Variants in PLPPR1 observed in about 807,000 individuals in gnomAD.
The protein encoded by PLPPR1 is phospholipid phosphatase related 1.
PLPPR1 carries 10 observed loss-of-function variants against 33.1 expected under a neutral mutation model. The observed-to-expected ratio is 0.30, with a 90% confidence interval of 0.19 to 0.51. PLPPR1 has a LOEUF of 0.51. Ranked by LOEUF, PLPPR1 falls within the 20% of genes least tolerant of loss-of-function variation. The pLI is 0.97. For synonymous variants in PLPPR1, 151 were observed against 151.0 expected (o/e 1.00, Z 0.00); for missense variants, 304 against 408.1 (o/e 0.74, Z 2.20).
At chr9:101,153,427 A>T (rs972863230) in intron 1 of PLPPR1, among the ~76,000 whole-genome samples, 2 of 152,074 alleles carry the variant, frequency 1.3e-5, no homozygotes, top group African/African-American at 4.8e-5. Context: ...TTCCAACACT[A>T]TGTTGAATAG....
chr9:101,080,977 G>T (rs1588019982), intron 1 of PLPPR1, among the ~76,000 whole-genome samples: 1 of 152,240 alleles, frequency 6.6e-6, no homozygotes, highest in East Asian at 1.9e-4. Flanking sequence ...CCGGAGCCTA[G>T]TGGGAGTTCT....
At chr9:101,323,710 A>C (rs554659246) in intron 7 of PLPPR1, among the ~76,000 whole-genome samples, 1 of 152,094 alleles carries the variant, frequency 6.6e-6, no homozygotes, top group South Asian at 2.1e-4. Context: ...ATGGTGGTGC[A>C]TGCCTGTAAT....
intron 6 of PLPPR1, among the ~76,000 whole-genome samples, chr9:101,316,302 T>C (rs142581540): frequency 0.036 from 5,472 of 151,938 alleles, 339 homozygotes; most frequent in African/African-American, 0.12. Flanking sequence ...CCAGGCGTGC[T>C]GGTGGGTGCC....
chr9:101,202,246 A>G (rs1407097706), intron 2 of PLPPR1, among the ~76,000 whole-genome samples: 1 of 152,228 alleles, frequency 6.6e-6, no homozygotes, highest in Non-Finnish European at 1.5e-5. Context: ...GTGACTGCTT[A>G]GCGTATTTGA....
At chr9:101,139,312 A>G (rs1831417494) in intron 1 of PLPPR1, among the ~76,000 whole-genome samples, 1 of 152,124 alleles carries the variant, frequency 6.6e-6, no homozygotes, top group Non-Finnish European at 1.5e-5. Context: ...GAGACCTGTG[A>G]GAGTGTGCAT....
chr9:101,115,472 C>G (rs1474814825), intron 1 of PLPPR1, among the ~76,000 whole-genome samples: 1 of 152,146 alleles, frequency 6.6e-6, no homozygotes, highest in Non-Finnish European at 1.5e-5. Context: ...TGGGATTTTA[C>G]TTTTAAAAGT....
chr9:101,055,619 T>C (rs568541649), intron 1 of PLPPR1, among the ~76,000 whole-genome samples: 2 of 152,364 alleles, frequency 1.3e-5, no homozygotes, highest in East Asian at 3.9e-4. Flanking sequence ...TATTCTGCTT[T>C]AGATCATATA....
chr9:101,150,592 G>A (rs1831569765), intron 1 of PLPPR1, among the ~76,000 whole-genome samples: 1 of 152,064 alleles, frequency 6.6e-6, no homozygotes, highest in Admixed American at 6.6e-5. Context: ...TTCAATTTTT[G>A]TCACTCAAAA....
intron 4 of PLPPR1, among the ~76,000 whole-genome samples, chr9:101,292,019 A>G (rs951761405): frequency 3.9e-5 from 6 of 152,156 alleles, no homozygotes; most frequent in African/African-American, 1.4e-4. Flanking sequence ...TTCAAATCAA[A>G]GGCAAAGAAG....
At chr9:101,050,124 G>GAA (rs35688096) in intron 1 of PLPPR1, among the ~76,000 whole-genome samples, 834 of 32,322 alleles carry the variant, frequency 0.026, 9 homozygotes, top group Non-Finnish European at 0.032. Context: ...CTCCAACTCA[G>GAA]AAAAAAAAAA....
At chr9:101,064,917 T>C (rs1396399220) in intron 1 of PLPPR1, among the ~76,000 whole-genome samples, 1 of 151,990 alleles carries the variant, frequency 6.6e-6, no homozygotes. Context: ...CTCATGATAA[T>C]TGATTAATCA....
intron 3 of PLPPR1, among the ~76,000 whole-genome samples, chr9:101,271,396 T>G (rs1229326786): frequency 2.6e-5 from 4 of 152,202 alleles, no homozygotes; most frequent in African/African-American, 9.6e-5. Context: ...GAACTGCTCT[T>G]TGCCCTCTTT....
At chr9:101,115,656 T>A (rs117013988) in intron 1 of PLPPR1, among the ~76,000 whole-genome samples, 1 of 152,360 alleles carries the variant, frequency 6.6e-6, no homozygotes, top group East Asian at 1.9e-4. Context: ...AATGAGCATA[T>A]ATACCATATG....
chr9:101,160,411 C>T (rs1188040714), intron 1 of PLPPR1, among the ~76,000 whole-genome samples: 1 of 152,214 alleles, frequency 6.6e-6, no homozygotes, highest in South Asian at 2.1e-4. Flanking sequence ...CCATTTGTGC[C>T]TTTTGCTTTC....
intron 2 of PLPPR1, among the ~76,000 whole-genome samples, chr9:101,265,666 T>C (rs192551840): frequency 6.6e-6 from 1 of 152,330 alleles, no homozygotes; most frequent in East Asian, 1.9e-4. Flanking sequence ...GTGTTGTTTC[T>C]GTTCCTGCAG....
intron 2 of PLPPR1, among the ~76,000 whole-genome samples, chr9:101,252,500 T>G (rs536067672): frequency 7.6e-4 from 116 of 152,252 alleles, no homozygotes; most frequent in African/African-American, 2.7e-3. Flanking sequence ...ATTATCTTAG[T>G]GGCAACCTAT....
intron 2 of PLPPR1, among the ~76,000 whole-genome samples, chr9:101,224,301 A>T (rs2567317): frequency 6.6e-6 from 1 of 152,138 alleles, no homozygotes. Flanking sequence ...GGATGCCAGG[A>T]TCATATCCAA....
At chr9:101,147,189 T>A (rs190845626) in intron 1 of PLPPR1, among the ~76,000 whole-genome samples, 1 of 152,190 alleles carries the variant, frequency 6.6e-6, no homozygotes, top group Non-Finnish European at 1.5e-5. Context: ...AGCAGAATTC[T>A]ACCTCGTGCT....
chr9:101,158,246 A>G (rs1423313961), intron 1 of PLPPR1, among the ~76,000 whole-genome samples: 1 of 152,174 alleles, frequency 6.6e-6, no homozygotes, highest in Non-Finnish European at 1.5e-5. Context: ...CACTATTTAG[A>G]TGGAATGAAA....
Sources: allele counts gnomAD v4.1 joint callset (sites outside exome capture counted in the v4.1 genomes callset), GRCh38; gene constraint gnomAD v4.1.1; transcripts MANE v1.5; gene names NCBI Gene and HGNC (gene_info 2026-07-23, HGNC 2026-07-21).